KALRN: variants seen among roughly 807,000 people sequenced by gnomAD.
KALRN encodes kalirin RhoGEF kinase, also known as kalirin.
In KALRN, 70 loss-of-function variants were observed where a neutral mutation model predicts 353.7. The observed-to-expected ratio is 0.20, with a 90% CI of 0.16 to 0.24. The LOEUF is 0.24. Among genes scored for constraint, KALRN ranks in the 10% least tolerant of loss-of-function variants. The pLI is 1.00. For missense variants in KALRN, 2,791 were observed against 3,756.7 expected, an observed-to-expected ratio of 0.74 and a Z score of 6.72; for synonymous variants, 1,391 against 1,434.8, an observed-to-expected ratio of 0.97 and a Z score of 0.69.
intron 13 of KALRN, chr3:124,410,331 G>T (rs2092038002): frequency 5.8e-6 from 3 of 514,606 alleles, no homozygotes; most frequent in Non-Finnish European, 1.2e-5. Context: ...CAAAAGAAAA[G>T]GCAGGCTCTT....
At position 124,496,344 on chromosome 3, in the gene KALRN, T is replaced by A; in HGVS notation, c.4866T>A (p.Asp1622Glu). Residue 1622 changes from aspartate to glutamate, a missense_variant, in exon 33 of 60, where the codon GAT (aspartate) becomes GAA (glutamate). Physicochemically the swap from Asp to Glu is conservative, Grantham distance 45. Transcript: ENST00000682506. ...DGVEDIDSQGDGSSQPDTISI... is the reference protein window; with the variant it reads ...DGVEDIDSQGEGSSQPDTISI... ...TGGAGGATATTGACAGCCAGGGGGATGGGAGCAGCCAACCAGACACCATCT... is the reference window on the plus strand; with the variant it reads ...TGGAGGATATTGACAGCCAGGGGGAAGGGAGCAGCCAACCAGACACCATCT... 1.2e-6 allele frequency: 2 copies of A among 1,612,150 alleles called. No individual in the cohort carries two copies. The highest frequency in any genetic ancestry group is 1.7e-6 in the Non-Finnish European group (2 of 1,179,408).
intron 38 of KALRN, 151 bp downstream of exon 38, chr3:124,651,089 T>TA (rs2083366792): frequency 1.1e-6 from 1 of 933,544 alleles, no homozygotes; most frequent in East Asian, 2.7e-5. Context: ...ATAGCACTGA[T>TA]AAACATTGAG....
chr3:124,644,553 A>G (rs190756991), intron 37 of KALRN, among the ~76,000 whole-genome samples: 8 of 150,188 alleles, frequency 5.3e-5, no homozygotes, highest in African/African-American at 2.0e-4. Context: ...TTCAACTCCC[A>G]CTTATGAGTG....
At chr3:124,504,500 C>T in intron 33 of KALRN, among the ~76,000 whole-genome samples, 1 of 152,226 alleles carries the variant, frequency 6.6e-6, no homozygotes, top group Non-Finnish European at 1.5e-5. Flanking sequence ...AATGTCCTTG[C>T]ATCACCTCCC....
At chr3:124,235,636 T>C (rs2079663304) in intron 3 of KALRN, among the ~76,000 whole-genome samples, 1 of 152,130 alleles carries the variant, frequency 6.6e-6, no homozygotes. Context: ...GGGATGTGTG[T>C]GGTTCACAAG....
At chr3:124,293,720 AT>A (rs1017672825) in intron 5 of KALRN, among the ~76,000 whole-genome samples, 1 of 151,692 alleles carries the variant, frequency 6.6e-6, no homozygotes, top group African/African-American at 2.4e-5. Flanking sequence ...CAATTTCATT[AT>A]TTAGACACGA....
intron 1 of KALRN, among the ~76,000 whole-genome samples, chr3:124,143,146 T>C (rs765071436): frequency 6.6e-5 from 10 of 152,116 alleles, no homozygotes; most frequent in Non-Finnish European, 1.3e-4. Context: ...GAAGGGGAAA[T>C]GTTATTGCAG....
Position 124,384,889 on chromosome 3 carries a change from G to T in KALRN, c.1815G>T (p.Gln605His), listed in dbSNP as rs1410285689. ...ACAAGCTCCTAGAAGCAGCAGAGCA[G>T]TTGGCTCAGACGGGGGAATGTGACC... The part of the protein sequence containing the change: ...NADKLLEAAE[Q>H]LAQTGECDPE... Residue 605 changes from glutamine to histidine, a missense_variant, in exon 11 of 60, where the codon CAG becomes CAT. This residue lies in a region of KALRN where 452 missense variants were observed against 575.8 expected (regional missense o/e 0.78). Transcript: ENST00000682506. 3 of 1,612,906 alleles carry T rather than the reference G, an allele frequency of 1.9e-6. No homozygotes were observed. Among genetic ancestry groups the T allele is most frequent in the Admixed American group, 3.3e-5 (2 of 59,894 alleles).
At chr3:124,628,894 C>A (rs1578469071) in intron 34 of KALRN, among the ~76,000 whole-genome samples, 2 of 151,982 alleles carry the variant, frequency 1.3e-5, no homozygotes, top group East Asian at 3.9e-4. Flanking sequence ...CCAGCCATAT[C>A]CTTTCACCCT....
intron 6 of KALRN, among the ~76,000 whole-genome samples, chr3:124,308,013 T>A (rs1293236497): frequency 2.0e-5 from 3 of 152,008 alleles, no homozygotes; most frequent in Admixed American, 6.6e-5. Flanking sequence ...GCCAAGTGAC[T>A]ATATTAATAA....
At chr3:124,345,599 T>C (rs2082181163) in intron 9 of KALRN, among the ~76,000 whole-genome samples, 1 of 152,238 alleles carries the variant, frequency 6.6e-6, no homozygotes, top group Admixed American at 6.5e-5. Flanking sequence ...TGCCAGAATA[T>C]ATTATAAAGT....
chr3:124,575,233 C>T (rs551668439), intron 34 of KALRN, among the ~76,000 whole-genome samples: 2 of 152,324 alleles, frequency 1.3e-5, no homozygotes, highest in South Asian at 4.1e-4. Context: ...GCCCACTTGC[C>T]TTACTTTCCA....
chr3:124,054,147 T>C (rs956427228), intron 1 of KALRN, among the ~76,000 whole-genome samples: 8 of 152,282 alleles, frequency 5.3e-5, no homozygotes, highest in African/African-American at 1.7e-4. Flanking sequence ...TAGAGATGGC[T>C]GCATATGAGA....
At chr3:124,578,725 GC>G (rs752028964) in intron 34 of KALRN, among the ~76,000 whole-genome samples, 3 of 148,718 alleles carry the variant, frequency 2.0e-5, no homozygotes, top group Non-Finnish European at 3.0e-5. Context: ...GCCAAGATGT[GC>G]CCCTGCACTC....
In KALRN at chr3:124,496,328, T is replaced by C; in HGVS notation, c.4850T>C (p.Ile1617Thr). ...TCCTGCAGGGATGGAGTGGAGGATA[T>C]TGACAGCCAGGGGGATGGGAGCAGC... ...NNSKRDGVED[I>T]DSQGDGSSQP... is the part of the protein sequence containing the mutation. The change falls in exon 33 of 60, where the codon ATT becomes ACT. Residue 1617 changes from isoleucine (I) to threonine (T), a missense_variant. By Grantham distance (89) the Ile-to-Thr change is moderately conservative. Coordinates refer to ENST00000682506, the MANE Select transcript of KALRN (RefSeq NM_001388419.1). 1 of 1,612,464 alleles carries C rather than the reference T, an allele frequency of 6.2e-7. No homozygotes were observed. Among genetic ancestry groups the C allele is most frequent in the Non-Finnish European group, 8.5e-7 (1 of 1,179,402 alleles).
intron 33 of KALRN, among the ~76,000 whole-genome samples, chr3:124,536,005 C>T (rs1192895221): frequency 1.3e-5 from 2 of 152,192 alleles, no homozygotes; most frequent in Non-Finnish European, 2.9e-5. Flanking sequence ...TTGCAACAAA[C>T]ACTAAGAGTT....
intron 4 of KALRN, among the ~76,000 whole-genome samples, chr3:124,265,975 C>T (rs763971506): frequency 1.6e-4 from 24 of 152,064 alleles, no homozygotes; most frequent in Non-Finnish European, 2.1e-4. Context: ...ATTAGCCGGG[C>T]GTGGTGGCGT....
intron 47 of KALRN, among the ~76,000 whole-genome samples, chr3:124,668,055 C>CACACAT (rs1300819386): frequency 3.1e-4 from 31 of 99,776 alleles, no homozygotes; most frequent in African/African-American, 1.4e-3. Flanking sequence ...CACACACACA[C>CACACAT]ACACACACAC....
intron 16 of KALRN, among the ~76,000 whole-genome samples, chr3:124,433,051 A>G (rs1013177574): frequency 6.6e-5 from 10 of 152,142 alleles, no homozygotes; most frequent in Non-Finnish European, 7.3e-5. Context: ...GTTCTCCATC[A>G]GAAGGAAAAT....
Sources: allele counts gnomAD v4.1 joint callset (sites outside exome capture counted in the v4.1 genomes callset), GRCh38; gene constraint gnomAD v4.1.1; regional missense constraint gnomAD v4.1.1; transcripts MANE v1.5; gene names NCBI Gene and HGNC (gene_info 2026-07-23, HGNC 2026-07-21).